Variants in MAGI2 observed in about 807,000 individuals in gnomAD.
MAGI2 encodes the protein membrane associated guanylate kinase, WW and PDZ domain containing 2, also known as membrane-associated guanylate kinase, WW and PDZ domain-containing protein 2.
Under a neutral mutation model 133.3 loss-of-function variants are expected in MAGI2, and 35 were observed. That is an observed-to-expected ratio of 0.26 (90% CI 0.20 to 0.35). MAGI2 has a LOEUF of 0.35. MAGI2 is among the 10% of genes least tolerant of loss of function. MAGI2 has a pLI of 1.00. For missense variants in MAGI2, 1,636 were observed against 1,863.4 expected, an observed-to-expected ratio of 0.88 and a Z score of 2.25; for synonymous variants, 729 against 710.6, an observed-to-expected ratio of 1.03 and a Z score of -0.41.
intron 10 of MAGI2, among the ~76,000 whole-genome samples, chr7:78,225,232 G>A (rs73702836): frequency 5.2e-4 from 79 of 152,244 alleles, no homozygotes; most frequent in African/African-American, 1.7e-3. Context: ...GTTTATCCCC[G>A]TGAGCAGGTT....
At position 79,174,686 on chromosome 7, in the gene MAGI2, T is replaced by A. The variant is rs1302416130; in HGVS notation, c.302-167480A>T. Among the ~76,000 whole-genome samples, 5 of 150,404 alleles carry A rather than the reference T, an allele frequency of 3.3e-5. No homozygotes were observed. In the East Asian group the frequency reaches 5.8e-4, roughly 18 times the overall value. On this transcript the variant is annotated intron_variant, in intron 1 of 21. Coordinates refer to ENST00000354212, the MANE Select transcript of MAGI2 (RefSeq NM_012301.4). ...CCCCATCTCTATATTAATAAAAAAA[T>A]TTAAATTTTTTAAAAAAAGAAATAA... is the stretch of plus-strand genomic sequence containing the variant.
intron 1 of MAGI2, among the ~76,000 whole-genome samples, chr7:79,101,073 C>T (rs983595352): frequency 3.3e-4 from 50 of 152,074 alleles, no homozygotes; most frequent in African/African-American, 1.2e-3. Flanking sequence ...AAAGCAAAAG[C>T]TCTTTCATTA....
chr7:78,084,016 C>T (rs1448459549), intron 20 of MAGI2, among the ~76,000 whole-genome samples: 1 of 152,110 alleles, frequency 6.6e-6, no homozygotes, highest in East Asian at 1.9e-4. Context: ...CATGGCAGTC[C>T]CAGCTCAAAG....
At chr7:78,834,201 G>A (rs752265278) in intron 2 of MAGI2, among the ~76,000 whole-genome samples, 2 of 152,146 alleles carry the variant, frequency 1.3e-5, no homozygotes, top group Non-Finnish European at 2.9e-5. Flanking sequence ...AACTTGAGAT[G>A]TATTTCATGT....
At chr7:78,917,632 A>C (rs1798901399) in intron 2 of MAGI2, among the ~76,000 whole-genome samples, 1 of 152,080 alleles carries the variant, frequency 6.6e-6, no homozygotes, top group African/African-American at 2.4e-5. Context: ...CCTAGAATTA[A>C]AGTCAGATCC....
In MAGI2 at chr7:79,051,653, T is replaced by C. The variant is rs183387004; in HGVS notation, c.302-44447A>G. Among the ~76,000 whole-genome samples, 20 of 152,284 alleles carry C rather than the reference T, an allele frequency of 1.3e-4. No individual in the cohort carries two copies. The East Asian group carries it at 3.9e-3, about 29-fold the overall frequency. ...CAAGTAATTATTTAATAAGTATATTTACTTTGTTATTTTGAAACAACAAAT... is the reference window on the plus strand; with the variant it reads ...CAAGTAATTATTTAATAAGTATATTCACTTTGTTATTTTGAAACAACAAAT... On this transcript the variant is annotated intron_variant, in intron 1 of 21. Transcript: ENST00000354212.
rs7794581 is a variant in MAGI2, at chr7:78,869,452, A to G, written c.418+137638T>C. On this transcript the variant is annotated intron_variant, in intron 2 of 21. Coordinates refer to ENST00000354212, the MANE Select transcript of MAGI2 (RefSeq NM_012301.4). ...CATTCTTCTGCATGATGCCTTGCCA[A>G]TTATCCCAACACCATTTATTGAATA... Among the ~76,000 whole-genome samples the G allele has an allele frequency of 6.3e-3, 957 of 152,286 alleles. 7 individuals carry two copies. Among genetic ancestry groups the G allele is most frequent in the African/African-American group, 0.022 (929 of 41,558 alleles).
At chr7:78,793,608 G>A (rs899985412) in intron 2 of MAGI2, among the ~76,000 whole-genome samples, 14 of 151,986 alleles carry the variant, frequency 9.2e-5, no homozygotes, top group Admixed American at 7.9e-4. Flanking sequence ...ATGGGGCAAA[G>A]GAGAAAAAAT....
intron 2 of MAGI2, among the ~76,000 whole-genome samples, chr7:78,881,377 A>G (rs556574): frequency 0.62 from 91,255 of 148,094 alleles, 29,177 homozygotes; most frequent in Middle Eastern, 0.76. Context: ...GAATTGAACA[A>G]TGAGAATACT....
Position 78,843,948 on chromosome 7 carries a change from G to A in MAGI2, c.418+163142C>T, listed in dbSNP as rs892402084. Among the ~76,000 whole-genome samples the A allele has an allele frequency of 4.1e-5, 6 of 147,676 alleles. No individual in the cohort carries two copies. In the South Asian group the frequency reaches 1.1e-3, roughly 26 times the overall value. On this transcript the variant is annotated intron_variant, in intron 2 of 21. Transcript: ENST00000354212. ...TTCATTTTTGATTATTTTCTTTTTG[G>A]TCTAATATTGACCACAGCTATATAA...
chr7:78,348,366 A>T (rs910430334), intron 7 of MAGI2: 1 of 152,218 alleles, frequency 6.6e-6, no homozygotes, highest in African/African-American at 2.4e-5. Context: ...CAATGTTTGT[A>T]TCTCCCTTAG....
At chr7:79,364,806 T>A (rs988102162) in intron 1 of MAGI2, among the ~76,000 whole-genome samples, 1 of 151,638 alleles carries the variant, frequency 6.6e-6, no homozygotes, top group Admixed American at 6.6e-5. Flanking sequence ...ATGTAAAATA[T>A]AAAACAAAAA....
At chr7:78,434,219 C>T (rs555599698) in intron 6 of MAGI2, among the ~76,000 whole-genome samples, 3 of 152,174 alleles carry the variant, frequency 2.0e-5, no homozygotes, top group African/African-American at 7.2e-5. Flanking sequence ...ATCAGAAACA[C>T]GGTATAGATC....
intron 2 of MAGI2, among the ~76,000 whole-genome samples, chr7:78,743,973 G>A (rs1259717807): frequency 6.6e-6 from 1 of 152,056 alleles, no homozygotes; most frequent in Non-Finnish European, 1.5e-5. Context: ...TTTTGTGTAT[G>A]AGTATTTATT....
At chr7:79,357,136 C>T (rs2129117568) in intron 1 of MAGI2, among the ~76,000 whole-genome samples, 1 of 152,228 alleles carries the variant, frequency 6.6e-6, no homozygotes, top group South Asian at 2.1e-4. Flanking sequence ...TCAAACAGTA[C>T]AGAATAGCCA....
chr7:79,014,317 C>T (rs890347671), intron 1 of MAGI2, among the ~76,000 whole-genome samples: 1 of 152,030 alleles, frequency 6.6e-6, no homozygotes, highest in Non-Finnish European at 1.5e-5. Flanking sequence ...ATATTTCCTT[C>T]CATTGAGAAG....
chr7:79,241,924 T>G (rs6466569), intron 1 of MAGI2, among the ~76,000 whole-genome samples: 2,451 of 152,266 alleles, frequency 0.016, 78 homozygotes, highest in African/African-American at 0.056. Flanking sequence ...TAGTTTTCCC[T>G]ATGATTTAAT....
chr7:78,237,225 T>C (rs1301109891), intron 10 of MAGI2, among the ~76,000 whole-genome samples: 1 of 152,168 alleles, frequency 6.6e-6, no homozygotes, highest in Non-Finnish European at 1.5e-5. Flanking sequence ...CAAATAGATA[T>C]ATTCATCCAA....
intron 10 of MAGI2, among the ~76,000 whole-genome samples, chr7:78,238,143 A>G (rs1304773009): frequency 6.6e-6 from 1 of 151,984 alleles, no homozygotes; most frequent in East Asian, 1.9e-4. Context: ...CCCCTTCCTG[A>G]CATTTAAAAT....
Sources: allele counts gnomAD v4.1 joint callset (sites outside exome capture counted in the v4.1 genomes callset), GRCh38; gene constraint gnomAD v4.1.1; transcripts MANE v1.5; gene names NCBI Gene and HGNC (gene_info 2026-07-23, HGNC 2026-07-21).